The following FBXO15 variants were observed in gnomAD, a reference collection of about 807,000 sequenced individuals.
FBXO15 encodes F-box only protein 15.
A neutral mutation model predicts 49.5 loss-of-function variants in FBXO15; 30 were observed. That is an observed-to-expected ratio of 0.61 (90% CI 0.45 to 0.82). The LOEUF (loss-of-function observed/expected upper bound fraction) is 0.82. Ranked by LOEUF, FBXO15 falls within the 40% of genes least tolerant of loss-of-function variation. The pLI is 0.00. For synonymous variants in FBXO15, 250 were observed against 232.7 expected, an observed-to-expected ratio of 1.07 and a Z score of -0.68; for missense variants, 591 against 631.5, an observed-to-expected ratio of 0.94 and a Z score of 0.69.
At chr18:74,085,899 GA>G (rs1912715669) in intron 8 of FBXO15, among the ~76,000 whole-genome samples, 2 of 151,958 alleles carry the variant, frequency 1.3e-5, no homozygotes, top group South Asian at 4.1e-4. Flanking sequence ...TTTAAAACAG[GA>G]AAAAACAACC....
At position 74,111,608 on chromosome 18, in the gene FBXO15, G is replaced by A. The variant is rs144035851; in HGVS notation, c.1138+11760C>T. ...GAAAGATCTGAAATCAACAATGTAA[G>A]CTTTCACACCTTAAGAAACTAGAAA... is the stretch of plus-strand genomic sequence containing the variant. On this transcript the variant is annotated intron_variant, in intron 8 of 9. Coordinates refer to ENST00000419743, the MANE Select transcript of FBXO15 (RefSeq NM_001142958.2). 5.6e-3 allele frequency among the ~76,000 whole-genome samples: 844 copies of A among 151,900 alleles called. 8 individuals are homozygous for A. The highest frequency in any genetic ancestry group is 0.02 in the African/African-American group (812 of 41,462).
intron 8 of FBXO15, among the ~76,000 whole-genome samples, chr18:74,082,470 G>A (rs1320393697): frequency 2.0e-5 from 3 of 152,298 alleles, no homozygotes; most frequent in African/African-American, 2.4e-5. Flanking sequence ...GAGAGCAGGC[G>A]AACATGAAGA....
At chr18:74,090,833 C>T (rs368008681) in intron 8 of FBXO15, among the ~76,000 whole-genome samples, 4 of 151,942 alleles carry the variant, frequency 2.6e-5, no homozygotes, top group South Asian at 2.1e-4. Flanking sequence ...GTTGTGTGGT[C>T]GATTTTGGAG....
intron 8 of FBXO15, among the ~76,000 whole-genome samples, chr18:74,084,305 G>A (rs1027580930): frequency 2.0e-5 from 3 of 152,162 alleles, no homozygotes; most frequent in Admixed American, 6.5e-5. Context: ...CTTATAAGCC[G>A]GTCACTGGTG....
In FBXO15 at chr18:74,073,693, T is replaced by C; in HGVS notation, c.1301A>G (p.His434Arg). 3.1e-6 allele frequency: 5 copies of C among 1,613,984 alleles called. No homozygotes were observed. Among genetic ancestry groups the C allele is most frequent in the South Asian group, 1.1e-5 (1 of 91,014 alleles). Residue 434 changes from histidine (H) to arginine (R), a missense_variant, in exon 10 of 10, where the codon CAT (histidine) becomes CGT (arginine). His to Arg is a conservative substitution (Grantham distance 29, BLOSUM62 0). Coordinates refer to ENST00000419743, the MANE Select transcript of FBXO15 (RefSeq NM_001142958.2). ...SMMDVTLLDE[H>R]GKPFWCFSSP... The stretch of plus-strand genomic sequence containing the variant: ...ACTGAAACACCAAAAGGGTTTCCCA[T>C]GTTCATCCAAAAGAGTTACGTCCAT...
intron 8 of FBXO15, chr18:74,122,728 C>A (rs1914525545): frequency 6.6e-6 from 1 of 152,158 alleles, no homozygotes; most frequent in African/African-American, 2.4e-5. Context: ...AAGTACATAA[C>A]TTCCCTTTTA....
intron 5 of FBXO15, 108 bp downstream of exon 5, chr18:74,129,297 T>G (rs1978309788): frequency 1.1e-6 from 1 of 884,742 alleles, no homozygotes; most frequent in African/African-American, 1.7e-5. Context: ...ATTTAATATG[T>G]GATAAAATTA....
intron 1 of FBXO15, among the ~76,000 whole-genome samples, chr18:74,146,765 T>C (rs550679014): frequency 1.2e-3 from 180 of 152,268 alleles, no homozygotes; most frequent in African/African-American, 4.1e-3. Context: ...CAGGACATAG[T>C]TCTGGAGATT....
chr18:74,123,647 A>G (rs1464385443), intron 7 of FBXO15, 137 bp from the exon 8 acceptor site: 3 of 904,822 alleles, frequency 3.3e-6, no homozygotes, highest in Non-Finnish European at 4.9e-6. Context: ...AGGATTCCCT[A>G]TAATCTTCAA....
intron 8 of FBXO15, among the ~76,000 whole-genome samples, chr18:74,107,040 CAAT>C (rs936992427): frequency 2.6e-5 from 4 of 151,924 alleles, no homozygotes. Context: ...AAAATATAAA[CAAT>C]AGTTTTCCTG....
intron 5 of FBXO15, among the ~76,000 whole-genome samples, chr18:74,126,439 G>C (rs900166923): frequency 1.3e-5 from 2 of 152,180 alleles, no homozygotes; most frequent in African/African-American, 4.8e-5. Flanking sequence ...ACAATCTAAA[G>C]TAGACTCTCA....
At chr18:74,143,537 T>G (rs1240489181) in intron 1 of FBXO15, among the ~76,000 whole-genome samples, 1 of 152,216 alleles carries the variant, frequency 6.6e-6, no homozygotes, top group Admixed American at 6.5e-5. Context: ...GGAATTCCAC[T>G]TCTAGAAATG....
intron 8 of FBXO15, among the ~76,000 whole-genome samples, chr18:74,083,138 C>T (rs1259435332): frequency 2.6e-5 from 4 of 152,208 alleles, no homozygotes; most frequent in African/African-American, 9.6e-5. Flanking sequence ...GCTCCTTGCC[C>T]AGATGCCACA....
chr18:74,117,617 A>G (rs1395987069), intron 8 of FBXO15, among the ~76,000 whole-genome samples: 2 of 152,114 alleles, frequency 1.3e-5, no homozygotes, highest in Non-Finnish European at 2.9e-5. Context: ...TTTACAGAAC[A>G]CAGACCTGAC....
intron 8 of FBXO15, among the ~76,000 whole-genome samples, chr18:74,088,974 C>T (rs546966760): frequency 1.3e-5 from 2 of 152,012 alleles, no homozygotes; most frequent in Admixed American, 6.6e-5. Context: ...GTATTTTATT[C>T]TTTTTCTCTT....
chr18:74,142,506 C>T (rs1435381865), intron 1 of FBXO15, among the ~76,000 whole-genome samples: 4 of 152,130 alleles, frequency 2.6e-5, no homozygotes, highest in Non-Finnish European at 5.9e-5. Context: ...TCAACAGGGC[C>T]GTGCTCCCTC....
chr18:74,144,012 C>A (rs1340849485), intron 1 of FBXO15, among the ~76,000 whole-genome samples: 1 of 152,216 alleles, frequency 6.6e-6, no homozygotes, highest in East Asian at 1.9e-4. Context: ...TCAGCACCCA[C>A]AATATGCCTG....
chr18:74,075,840 A>C lies in FBXO15; in HGVS notation c.1264-2110T>G, dbSNP rs935495757. ...TGGTCCTAGGCCCTATTTTCACTCT[A>C]TGTAATCTCTCCCCATAAATGGAAC... On this transcript the variant is annotated intron_variant, in intron 9 of 9. Transcript: ENST00000419743. This position sits in a 1 kb window ranked among gnomAD's most constrained non-coding sequence, Gnocchi z 4.1. Among the ~76,000 whole-genome samples, 1 of 152,132 alleles carries C rather than the reference A, an allele frequency of 6.6e-6. No individual in the cohort carries two copies. The highest frequency in any genetic ancestry group is 1.9e-4 in the East Asian group (1 of 5,190).
At chr18:74,122,332 A>G (rs1914510439) in intron 8 of FBXO15, among the ~76,000 whole-genome samples, 1 of 152,264 alleles carries the variant, frequency 6.6e-6, no homozygotes, top group South Asian at 2.1e-4. Context: ...CACATTAGGC[A>G]GCAAGCCCCT....
Sources: allele counts gnomAD v4.1 joint callset (sites outside exome capture counted in the v4.1 genomes callset), GRCh38; gene constraint gnomAD v4.1.1; non-coding constraint Gnocchi (gnomAD v3.1); transcripts MANE v1.5; gene names NCBI Gene and HGNC (gene_info 2026-07-23, HGNC 2026-07-21).